The following ZC3H4 variants were observed in gnomAD, a reference collection of about 807,000 sequenced individuals.
The protein encoded by ZC3H4 is zinc finger CCCH-type containing 4, also known as zinc finger CCCH domain-containing protein 4.
ZC3H4 carries 13 observed loss-of-function variants against 108.3 expected under a neutral mutation model. The ratio of observed to expected loss-of-function variants is 0.12; its 90% confidence interval spans 0.08 to 0.19. ZC3H4 has a LOEUF of 0.19. Among genes scored for constraint, ZC3H4 ranks in the 10% least tolerant of loss-of-function variants. ZC3H4 has a pLI of 1.00. For synonymous variants in ZC3H4, 917 were observed against 749.6 expected (o/e 1.22, Z -3.65); for missense variants, 1,734 against 1,838.8 (o/e 0.94, Z 1.04).
intron 2 of ZC3H4, among the ~76,000 whole-genome samples, chr19:47,104,685 G>T (rs1205975837): frequency 6.6e-6 from 1 of 152,344 alleles, no homozygotes; most frequent in East Asian, 1.9e-4. Flanking sequence ...GAGGAGACAG[G>T]CCCTGCCTCG....
At chr19:47,091,914 G>A (rs758414808) in intron 4 of ZC3H4, among the ~76,000 whole-genome samples, 25 of 151,460 alleles carry the variant, frequency 1.7e-4, no homozygotes, top group African/African-American at 2.4e-5. Flanking sequence ...ATGAATGAAC[G>A]CATAAAAAAG....
chr19:47,108,335 G>A (rs1367522156), intron 2 of ZC3H4, among the ~76,000 whole-genome samples: 2 of 151,956 alleles, frequency 1.3e-5, no homozygotes, highest in East Asian at 3.9e-4. Context: ...AGCTATCCAC[G>A]GAGACCTGGA....
intron 1 of ZC3H4, among the ~76,000 whole-genome samples, 154 bp from the exon 2 acceptor site, chr19:47,112,743 G>A (rs1199009428): frequency 6.6e-6 from 1 of 152,192 alleles, no homozygotes; most frequent in Non-Finnish European, 1.5e-5. Flanking sequence ...TAGGCCGCAC[G>A]GCCTAGGCCT....
intron 4 of ZC3H4, 90 bp from the exon 5 acceptor site, chr19:47,090,279 A>G: frequency 7.1e-7 from 1 of 1,413,762 alleles, no homozygotes; most frequent in African/African-American, 1.4e-5. Flanking sequence ...CTAAACGAAC[A>G]TGTCTGTCTG....
At chr19:47,088,501 TCG>T (rs2057672635) in intron 5 of ZC3H4, among the ~76,000 whole-genome samples, 1 of 151,358 alleles carries the variant, frequency 6.6e-6, no homozygotes, top group South Asian at 2.1e-4. Flanking sequence ...TGAGCCGAGA[TCG>T]CGCCATTGCA....
At chr19:47,094,741 G>A in intron 2 of ZC3H4, 133 bp from the exon 3 acceptor site, 3 of 836,770 alleles carry the variant, frequency 3.6e-6, no homozygotes, top group Non-Finnish European at 5.7e-6. Flanking sequence ...GGAGGACATG[G>A]GGGCCATGGC....
At chr19:47,096,654 G>T in intron 2 of ZC3H4, 1 of 298,354 alleles carries the variant, frequency 3.4e-6, no homozygotes, top group Non-Finnish European at 5.0e-6. Flanking sequence ...ACAGACTGGA[G>T]GTATACATGC....
chr19:47,079,870 G>C (rs1461267638), intron 11 of ZC3H4, among the ~76,000 whole-genome samples: 2 of 152,306 alleles, frequency 1.3e-5, no homozygotes, highest in South Asian at 2.1e-4. Context: ...CTGGGTGACA[G>C]AGTGAGACTC....
At chr19:47,079,986 T>C (rs1225510376) in intron 11 of ZC3H4, among the ~76,000 whole-genome samples, 1 of 152,184 alleles carries the variant, frequency 6.6e-6, no homozygotes, top group African/African-American at 2.4e-5. Context: ...GACATTCTCC[T>C]ACGTCTGCTT....
intron 11 of ZC3H4, among the ~76,000 whole-genome samples, chr19:47,078,620 C>A (rs1478758579): frequency 1.3e-5 from 2 of 152,042 alleles, no homozygotes; most frequent in African/African-American, 4.8e-5. Context: ...ATGGTGAAAC[C>A]CTGTCTCTAC....
intron 9 of ZC3H4, among the ~76,000 whole-genome samples, chr19:47,082,603 A>G (rs1485941037): frequency 2.0e-5 from 3 of 152,162 alleles, no homozygotes; most frequent in Non-Finnish European, 1.5e-5. Flanking sequence ...ATGAGCCACC[A>G]AGCCTGGGTA....
intron 13 of ZC3H4, 62 bp from the exon 14 acceptor site, chr19:47,069,405 C>T: frequency 6.4e-7 from 1 of 1,556,330 alleles, no homozygotes; most frequent in Non-Finnish European, 8.7e-7. Flanking sequence ...AACTCCAGCC[C>T]CCCTGCCCCT....
intron 11 of ZC3H4, among the ~76,000 whole-genome samples, chr19:47,080,355 C>T (rs2057499031): frequency 6.6e-6 from 1 of 152,190 alleles, no homozygotes; most frequent in Admixed American, 6.5e-5. Flanking sequence ...TGACACCTCC[C>T]CCAAGGGAGC....
Position 47,108,573 on chromosome 19 carries a change from T to C in ZC3H4, c.161+3851A>G, listed in dbSNP as rs372712791. On this transcript the variant is annotated intron_variant, in intron 2 of 14. Coordinates refer to ENST00000253048, the MANE Select transcript of ZC3H4 (RefSeq NM_015168.2). ...ATTACTAACCAGGCCCAATATGAAA[T>C]TGCTCTACATTCAACTGTATGGAAA... 4.6e-5 allele frequency among the ~76,000 whole-genome samples: 7 copies of C among 151,506 alleles called. 1 individual carries two copies. Among genetic ancestry groups the C allele is most frequent in the African/African-American group, 1.2e-4 (5 of 41,330 alleles).
Position 47,094,518 on chromosome 19 carries a change from T to C in ZC3H4, c.252A>G (p.Lys84=). Reference sequence around the variant, plus strand: ...CACTGTGATGCTTCTCCCCCTTTTCTTTCCGGCTTCTCTCAGGCCCTCCGG... The same window carrying C: ...CACTGTGATGCTTCTCCCCCTTTTCCTTCCGGCTTCTCTCAGGCCCTCCGG... ...DTSGGPERSR[K]EKGEKHHSDS... Residue 84 remains lysine (K), a synonymous_variant, in exon 3 of 15, where the codon AAA becomes AAG. Coordinates refer to ENST00000253048, the MANE Select transcript of ZC3H4 (RefSeq NM_015168.2). The C allele has an allele frequency of 2.5e-6, 4 of 1,614,246 alleles. No individual in the cohort carries two copies. The highest frequency in any genetic ancestry group is 3.4e-6 in the Non-Finnish European group (4 of 1,180,050).
rs755402752 is a variant in ZC3H4 at position 47,067,218 on chromosome 19, G to T, written c.3050C>A (p.Thr1017Lys). 3 of 1,608,270 alleles carry T rather than the reference G, an allele frequency of 1.9e-6. No homozygotes were observed. In the African/African-American group the frequency reaches 4.0e-5, roughly 22 times the overall value. Residue 1017 changes from threonine to lysine, a missense_variant, in exon 15 of 15, where the codon ACG (threonine) becomes AAG (lysine). Thr to Lys is a moderately conservative substitution (Grantham distance 78, BLOSUM62 -1). Coordinates refer to ENST00000253048, the MANE Select transcript of ZC3H4 (RefSeq NM_015168.2). The surrounding 1 kb of genome is among the most constrained non-coding windows in gnomAD (Gnocchi z 6.4). ...TLDPRLHRAA[T>K]AGPPNARQRP... ...CTGCCGGGCGTTGGGGGGCCCTGCC[G>T]TGGCAGCGCGGTGCAGCCGGGGGTC...
chr19:47,081,423 A>G (rs2057520048), intron 11 of ZC3H4, 90 bp downstream of exon 11: 2 of 1,017,874 alleles, frequency 2.0e-6, no homozygotes, highest in East Asian at 4.8e-5. Context: ...GGCACTGCAG[A>G]GGCTGGACAG....
At chr19:47,082,147 G>C in intron 10 of ZC3H4, 37 bp downstream of exon 10, 1 of 1,524,474 alleles carries the variant, frequency 6.6e-7, no homozygotes, top group Non-Finnish European at 9.1e-7. Flanking sequence ...GAAGTTCTGC[G>C]CCCTCATTCA....
chr19:47,100,552 C>T (rs1309118124), intron 2 of ZC3H4, among the ~76,000 whole-genome samples: 4 of 151,680 alleles, frequency 2.6e-5, no homozygotes, highest in Non-Finnish European at 5.9e-5. Flanking sequence ...ACAGTCTACC[C>T]ACTGCTGGCA....
Sources: allele counts gnomAD v4.1 joint callset (sites outside exome capture counted in the v4.1 genomes callset), GRCh38; gene constraint gnomAD v4.1.1; non-coding constraint Gnocchi (gnomAD v3.1); transcripts MANE v1.5; gene names NCBI Gene and HGNC (gene_info 2026-07-23, HGNC 2026-07-21).